SGCZ: variants seen among roughly 807,000 people sequenced by gnomAD.
SGCZ encodes the protein sarcoglycan zeta.
Under a neutral mutation model 41.3 loss-of-function variants are expected in SGCZ, and 40 were observed. That is an observed-to-expected ratio of 0.97 (90% CI 0.75 to 1.26). The LOEUF is 1.26. Ranked by LOEUF, SGCZ falls within the 50% of genes most tolerant of loss-of-function variation. The pLI is 0.00. For synonymous variants in SGCZ, 206 were observed against 137.5 expected (o/e 1.50, Z -3.49); for missense variants, 552 against 369.8 (o/e 1.49, Z -4.04).
In SGCZ at chr8:15,165,646, A is replaced by G. The variant is rs939942680; in HGVS notation, c.39+71939T>C. On this transcript the variant is annotated intron_variant, in intron 1 of 7. Coordinates refer to ENST00000382080, the MANE Select transcript of SGCZ (RefSeq NM_139167.4). ...TTGCTAGGAGTTAATTGAAACTACT[A>G]GAAATATATTTACACGCAAGGTGTA... Among the ~76,000 whole-genome samples, 4 of 152,228 alleles carry G rather than the reference A, an allele frequency of 2.6e-5. No individual in the cohort carries two copies. The East Asian group carries it at 7.7e-4, about 29-fold the overall frequency.
chr8:14,861,168 G>C (rs1803734910), intron 1 of SGCZ, among the ~76,000 whole-genome samples: 1 of 152,110 alleles, frequency 6.6e-6, no homozygotes, highest in Admixed American at 6.6e-5. Flanking sequence ...ACCCCAAATG[G>C]AGAAAACTTG....
chr8:14,852,097 T>A (rs1161502519), intron 1 of SGCZ, among the ~76,000 whole-genome samples: 2 of 152,208 alleles, frequency 1.3e-5, no homozygotes, highest in Non-Finnish European at 2.9e-5. Context: ...TCCCTAAACT[T>A]CTTTGATCAA....
intron 7 of SGCZ, among the ~76,000 whole-genome samples, chr8:14,094,368 A>C (rs188192168): frequency 2.4e-4 from 36 of 151,224 alleles, no homozygotes; most frequent in African/African-American, 8.5e-4. Flanking sequence ...TCAACTCCCA[A>C]TTAGGAGTAC....
chr8:14,942,109 T>C (rs1670828121), intron 1 of SGCZ, among the ~76,000 whole-genome samples: 1 of 151,982 alleles, frequency 6.6e-6, no homozygotes, highest in Non-Finnish European at 1.5e-5. Context: ...CCTGTTTCCC[T>C]AGATACCTCT....
chr8:14,483,184 T>C (rs1441856923), intron 2 of SGCZ, among the ~76,000 whole-genome samples: 2 of 152,184 alleles, frequency 1.3e-5, no homozygotes, highest in African/African-American at 4.8e-5. Context: ...CTGAGGCAGA[T>C]CAGATTTTTA....
intron 1 of SGCZ, among the ~76,000 whole-genome samples, chr8:14,558,153 G>C (rs903437443): frequency 6.6e-6 from 1 of 152,104 alleles, no homozygotes; most frequent in Admixed American, 6.6e-5. Context: ...ATAACAAGCA[G>C]TGAGATTGAA....
chr8:14,167,799 T>A (rs1804253503), intron 4 of SGCZ, among the ~76,000 whole-genome samples: 1 of 152,170 alleles, frequency 6.6e-6, no homozygotes, highest in African/African-American at 2.4e-5. Flanking sequence ...AACATTCACA[T>A]CTGTTGCAGT....
intron 5 of SGCZ, among the ~76,000 whole-genome samples, chr8:14,128,375 A>G (rs1287513956): frequency 8.5e-5 from 13 of 152,232 alleles, no homozygotes; most frequent in African/African-American, 3.1e-4. Flanking sequence ...CACCGTTCGG[A>G]ACAGCTACTA....
intron 1 of SGCZ, among the ~76,000 whole-genome samples, chr8:14,688,745 G>C (rs1808701412): frequency 6.6e-6 from 1 of 152,058 alleles, no homozygotes; most frequent in Non-Finnish European, 1.5e-5. Context: ...GTCATTGGTA[G>C]TTGGAAGTTC....
chr8:14,682,269 C>T (rs1041308614), intron 1 of SGCZ, among the ~76,000 whole-genome samples: 10 of 152,102 alleles, frequency 6.6e-5, no homozygotes, highest in African/African-American at 2.4e-4. Flanking sequence ...GAAAATATTT[C>T]ATTTTTGAAT....
At chr8:14,324,240 A>C in intron 2 of SGCZ, 36 bp from the exon 3 acceptor site, 1 of 1,462,242 alleles carries the variant, frequency 6.8e-7, no homozygotes, top group Non-Finnish European at 9.6e-7. Flanking sequence ...TTTTAGGTTA[A>C]TTGGAGAATG....
chr8:15,205,194 G>T (rs1028023926), intron 1 of SGCZ, among the ~76,000 whole-genome samples: 7 of 152,006 alleles, frequency 4.6e-5, no homozygotes, highest in Non-Finnish European at 1.0e-4. Flanking sequence ...AACATAGGAA[G>T]GGGCAAAGAT....
intron 2 of SGCZ, among the ~76,000 whole-genome samples, chr8:14,551,632 T>TTA (rs1234285429): frequency 8.6e-5 from 7 of 81,438 alleles, no homozygotes; most frequent in South Asian, 6.3e-4. Context: ...AATATATATA[T>TTA]TATATATATA....
At chr8:14,378,098 T>C (rs1197239407) in intron 2 of SGCZ, among the ~76,000 whole-genome samples, 2 of 150,160 alleles carry the variant, frequency 1.3e-5, no homozygotes, top group Admixed American at 6.6e-5. Flanking sequence ...CCCTGAGGAA[T>C]CGCCACACTG....
At chr8:15,189,119 A>G (rs1353022177) in intron 1 of SGCZ, among the ~76,000 whole-genome samples, 1 of 152,162 alleles carries the variant, frequency 6.6e-6, no homozygotes, top group East Asian at 1.9e-4. Context: ...CTTTCACTAT[A>G]ACGGTTTTGC....
chr8:14,302,805 C>T (rs1271915043), intron 3 of SGCZ, among the ~76,000 whole-genome samples: 1 of 152,104 alleles, frequency 6.6e-6, no homozygotes. Context: ...GACAAAACTA[C>T]CAGATACAGA....
chr8:14,386,728 T>G (rs1205460416), intron 2 of SGCZ, among the ~76,000 whole-genome samples: 1 of 152,182 alleles, frequency 6.6e-6, no homozygotes, highest in Non-Finnish European at 1.5e-5. Context: ...TCAAAAATCT[T>G]AATTACAAAT....
chr8:14,227,548 T>C (rs1806414349), intron 4 of SGCZ, among the ~76,000 whole-genome samples: 1 of 152,038 alleles, frequency 6.6e-6, no homozygotes, highest in Non-Finnish European at 1.5e-5. Context: ...TATTATAAAA[T>C]ATCTAGAAAT....
intron 1 of SGCZ, among the ~76,000 whole-genome samples, chr8:14,717,365 T>G (rs1046101106): frequency 1.6e-4 from 25 of 152,166 alleles, no homozygotes; most frequent in African/African-American, 6.0e-4. Flanking sequence ...TTTCTGAAAC[T>G]TACTATAAAT....
Sources: gnomAD v4.1 joint callset for allele counts (sites outside exome capture counted in the v4.1 genomes callset) on GRCh38, gnomAD v4.1.1 for gene constraint, MANE v1.5 for transcripts, NCBI Gene and HGNC (gene_info 2026-07-23, HGNC 2026-07-21) for gene names.